Variants in SAMMSON observed in about 807,000 individuals in gnomAD.
SAMMSON encodes long intergenic non-protein coding RNA 1212.
chr3:70,369,982 C>T (rs1289940093), intron 9 of SAMMSON, among the ~76,000 whole-genome samples: 1 of 151,880 alleles, frequency 6.6e-6, no homozygotes, highest in East Asian at 1.9e-4. Flanking sequence ...ATTCCCACAA[C>T]TTTCCAGTCT....
intron 3 of SAMMSON, among the ~76,000 whole-genome samples, chr3:70,018,513 G>T (rs1434062034): frequency 6.6e-6 from 1 of 151,912 alleles, no homozygotes; most frequent in Non-Finnish European, 1.5e-5. Context: ...CAATTTTGTT[G>T]ATCTTTTCAA....
chr3:70,015,776 A>T (rs1013209087), intron 3 of SAMMSON, among the ~76,000 whole-genome samples: 1 of 151,772 alleles, frequency 6.6e-6, no homozygotes, highest in Non-Finnish European at 1.5e-5. Context: ...AAGTGTTCTC[A>T]TTGTTCAATT....
chr3:70,397,198 T>A (rs1172563755), intron 2 of SAMMSON, among the ~76,000 whole-genome samples: 1 of 152,252 alleles, frequency 6.6e-6, no homozygotes, highest in Non-Finnish European at 1.5e-5. Flanking sequence ...TTTTCATATG[T>A]GATAGCTATC....
intron 3 of SAMMSON, among the ~76,000 whole-genome samples, chr3:70,029,204 T>G (rs1304004180): frequency 1.3e-5 from 2 of 152,082 alleles, no homozygotes; most frequent in African/African-American, 4.8e-5. Context: ...ATAATACACT[T>G]AACCCGTCCT....
At chr3:70,391,125 G>A (rs752616459), downstream of SAMMSON, among the ~76,000 whole-genome samples, 1 of 152,172 alleles carries the variant, frequency 6.6e-6, no homozygotes, top group Non-Finnish European at 1.5e-5. Flanking sequence ...CACCTTCGCA[G>A]CTGAGACTAT....
intron 4 of SAMMSON, chr3:70,125,915 C>G: frequency 1.4e-6 from 1 of 710,598 alleles, no homozygotes; most frequent in Non-Finnish European, 2.5e-6. Flanking sequence ...TCCTCATCGT[C>G]TTCTGGCCAA....
chr3:70,374,885 G>A (rs1575636266), intron 9 of SAMMSON, among the ~76,000 whole-genome samples: 1 of 152,216 alleles, frequency 6.6e-6, no homozygotes, highest in African/African-American at 2.4e-5. Flanking sequence ...CCAATCTGCT[G>A]GTACTTTGGC....
At chr3:70,227,828 T>C (rs1701522884) in intron 4 of SAMMSON, among the ~76,000 whole-genome samples, 1 of 152,160 alleles carries the variant, frequency 6.6e-6, no homozygotes, top group African/African-American at 2.4e-5. Flanking sequence ...CTGTGAATTA[T>C]AAATGCAGAT....
chr3:70,424,525 A>T (rs571759564), intron 2 of SAMMSON, among the ~76,000 whole-genome samples: 4 of 152,300 alleles, frequency 2.6e-5, no homozygotes, highest in Non-Finnish European at 4.4e-5. Flanking sequence ...TGACACATTA[A>T]CTGTGGTTTC....
At chr3:70,063,404 C>T (rs990467609) in intron 3 of SAMMSON, among the ~76,000 whole-genome samples, 4 of 152,086 alleles carry the variant, frequency 2.6e-5, no homozygotes, top group African/African-American at 4.8e-5. Context: ...CATTGGATTC[C>T]TTGCTCTTGC....
chr3:70,400,219 C>T (rs767510294), intron 2 of SAMMSON, among the ~76,000 whole-genome samples: 2 of 152,060 alleles, frequency 1.3e-5, no homozygotes, highest in Non-Finnish European at 2.9e-5. Context: ...AATATGGTGC[C>T]ATGGTTTGGT....
intron 1 of SAMMSON, among the ~76,000 whole-genome samples, chr3:70,002,658 C>G (rs2066910684): frequency 6.6e-6 from 1 of 152,136 alleles, no homozygotes; most frequent in African/African-American, 2.4e-5. Flanking sequence ...ACTCCAAGTA[C>G]TGTATATGGA....
chr3:70,083,843 T>G (rs1159660130), intron 4 of SAMMSON, among the ~76,000 whole-genome samples: 1 of 152,112 alleles, frequency 6.6e-6, no homozygotes. Flanking sequence ...GTATATATAT[T>G]TTTGCATGAT....
At chr3:70,405,556 A>G (rs980430515) in intron 2 of SAMMSON, among the ~76,000 whole-genome samples, 3 of 152,202 alleles carry the variant, frequency 2.0e-5, no homozygotes, top group African/African-American at 7.2e-5. Flanking sequence ...AAACTAAAAT[A>G]ACAGATTCAC....
intron 4 of SAMMSON, among the ~76,000 whole-genome samples, chr3:70,081,860 A>C (rs1365522869): frequency 6.6e-6 from 1 of 152,214 alleles, no homozygotes; most frequent in Non-Finnish European, 1.5e-5. Flanking sequence ...CTAAAATTGA[A>C]AGTGTGACAC....
intron 9 of SAMMSON, among the ~76,000 whole-genome samples, chr3:70,366,688 A>G (rs1191430626): frequency 6.6e-6 from 1 of 151,416 alleles, no homozygotes; most frequent in Admixed American, 6.6e-5. Flanking sequence ...TTGCAAATCA[A>G]TTGGTTAACA....
rs981933137 is a variant in SAMMSON, at chr3:70,290,677, T to A, written n.675-502T>A. On this transcript the variant is annotated intron_variant and non_coding_transcript_variant, in intron 6 of 9. Transcript: ENST00000642114. ...CCCTAGCCTCGCTGCCGCCTTGCAG[T>A]TTGATCTCAGACTGCTGTGCTAGCA... is the stretch of plus-strand genomic sequence containing the variant. Among the ~76,000 whole-genome samples, 4 of 152,264 alleles carry A rather than the reference T, an allele frequency of 2.6e-5. No homozygotes were observed. In the East Asian group the frequency reaches 5.8e-4, roughly 22 times the overall value.
At chr3:70,220,955 T>C (rs370098108) in intron 4 of SAMMSON, among the ~76,000 whole-genome samples, 50 of 152,290 alleles carry the variant, frequency 3.3e-4, no homozygotes, top group Middle Eastern at 3.4e-3. Flanking sequence ...GTAGTAGCTA[T>C]GCATCAGCTT....
chr3:70,318,481 A>T (rs73104668), intron 7 of SAMMSON, among the ~76,000 whole-genome samples: 19 of 106,924 alleles, frequency 1.8e-4, no homozygotes, highest in African/African-American at 5.6e-4. Flanking sequence ...TGTGTGTGTG[A>T]GTGTGTGTGT....
Sources: gnomAD v4.1 joint callset for allele counts (sites outside exome capture counted in the v4.1 genomes callset) on GRCh38, gnomAD v4.1.1 for gene constraint, MANE v1.5 for transcripts, NCBI Gene and HGNC (gene_info 2026-07-23, HGNC 2026-07-21) for gene names.